ZNF225: variants seen among roughly 807,000 people sequenced by gnomAD.
ZNF225 encodes the protein zinc finger protein 225.
In ZNF225, 6 loss-of-function variants were observed where a neutral mutation model predicts 12.0. The observed-to-expected ratio is 0.50, with a 90% CI of 0.27 to 0.98. The LOEUF (loss-of-function observed/expected upper bound fraction) is 0.98, where lower values mean the gene tolerates loss of function less well. ZNF225 is among the 50% of genes least tolerant of loss of function. ZNF225 has a pLI of 0.11. For missense variants in ZNF225, 763 were observed against 848.2 expected (o/e 0.90, Z 1.25); for synonymous variants, 271 against 283.2 (o/e 0.96, Z 0.43).
At position 44,131,124 on chromosome 19, in the gene ZNF225, G is replaced by C. The variant is rs1968246018; in HGVS notation, c.510G>C (p.Gln170His). ...VSVLDLHQQLQSREKSHTCDE... is the reference protein window; with the variant it reads ...VSVLDLHQQLHSREKSHTCDE... The stretch of plus-strand genomic sequence containing the variant: ...TCCTTGATCTTCATCAACAACTACA[G>C]TCAAGAGAGAAGTCTCATACATGTG... Residue 170 changes from glutamine (Q) to histidine (H), a missense_variant, in exon 5 of 5, where the codon CAG (glutamine) becomes CAC (histidine). Transcript: ENST00000262894. 1 of 1,614,060 alleles carries C rather than the reference G, an allele frequency of 6.2e-7. No homozygotes were observed. Among genetic ancestry groups the C allele is most frequent in the African/African-American group, 1.3e-5 (1 of 74,928 alleles).
At position 44,121,653 on chromosome 19, in the gene ZNF225, A is replaced by G. The variant is rs116372444; in HGVS notation, c.235+3079A>G. ...CCCTGAACAACACATCCATGCCAAC[A>G]TCTACTGTTTTTTTGATTTTTGATT... On this transcript the variant is annotated intron_variant, in intron 4 of 4. Coordinates refer to ENST00000262894, the MANE Select transcript of ZNF225 (RefSeq NM_013362.4). 8.7e-3 allele frequency among the ~76,000 whole-genome samples: 1,321 copies of G among 152,282 alleles called. 11 individuals carry two copies. Among genetic ancestry groups the G allele is most frequent in the African/African-American group, 0.03 (1,239 of 41,544 alleles).
rs181738436 is a variant in ZNF225 at position 44,131,729 on chromosome 19, A to G, written c.1115A>G (p.Tyr372Cys). Residue 372 changes from tyrosine (Y) to cysteine (C), a missense_variant, in exon 5 of 5, where the codon TAT becomes TGT. Tyr to Cys is a radical substitution (Grantham distance 194). Coordinates refer to ENST00000262894, the MANE Select transcript of ZNF225 (RefSeq NM_013362.4). Reference sequence around the variant, plus strand: ...ATAGACCACACAGGGGAGAAGCCATATAATTGTAAAGAATGTGGAAAGAGC... The same window carrying G: ...ATAGACCACACAGGGGAGAAGCCATGTAATTGTAAAGAATGTGGAAAGAGC... ...HQIDHTGEKP[Y>C]NCKECGKSFR... The G allele has an allele frequency of 3.0e-4, 486 of 1,614,268 alleles. 3 individuals carry two copies. The highest frequency in any genetic ancestry group is 2.1e-5 in the Non-Finnish European group (25 of 1,180,044).
At chr19:44,127,407 G>T (rs931039950) in intron 4 of ZNF225, among the ~76,000 whole-genome samples, 1 of 152,158 alleles carries the variant, frequency 6.6e-6, no homozygotes, top group African/African-American at 2.4e-5. Context: ...GGTCCTGCAG[G>T]AGCAGTCCAC....
intron 4 of ZNF225, chr19:44,129,008 A>C: frequency 8.2e-7 from 1 of 1,212,630 alleles, no homozygotes; most frequent in Non-Finnish European, 1.0e-6. Context: ...TCATTGTCTC[A>C]TCAGGATCAT....
At chr19:44,117,893 C>A (rs564792432) in intron 2 of ZNF225, among the ~76,000 whole-genome samples, 3 of 152,114 alleles carry the variant, frequency 2.0e-5, no homozygotes, top group African/African-American at 7.2e-5. Context: ...GTGGCAGGCA[C>A]CTGTAATCCC....
Position 44,131,852 on chromosome 19 carries a change from C to T in ZNF225, c.1238C>T (p.Ser413Leu), listed in dbSNP as rs766475737. Residue 413 changes from serine (S) to leucine (L), a missense_variant, in exon 5 of 5, where the codon TCA becomes TTA. Transcript: ENST00000262894. ...EECGKGFYTN[S>L]QRYSHQRAHS... Reference sequence around the variant, plus strand: ...TGTGGGAAGGGATTTTATACAAATTCACAACGTTATTCTCACCAGAGAGCG... The same window carrying T: ...TGTGGGAAGGGATTTTATACAAATTTACAACGTTATTCTCACCAGAGAGCG... 1.2e-6 allele frequency: 2 copies of T among 1,614,066 alleles called. No individual in the cohort carries two copies. Among genetic ancestry groups the T allele is most frequent in the South Asian group, 2.2e-5 (2 of 91,078 alleles).
In ZNF225 at chr19:44,131,782, C is replaced by T; in HGVS notation, c.1168C>T (p.His390Tyr). 6.2e-7 allele frequency: 1 copy of T among 1,614,190 alleles called. No individual in the cohort carries two copies. Among genetic ancestry groups the T allele is most frequent in the Admixed American group, 1.7e-5 (1 of 60,028 alleles). Residue 390 changes from histidine to tyrosine, a missense_variant, in exon 5 of 5, where the codon CAT becomes TAT. Physicochemically the swap from His to Tyr is moderately conservative, Grantham distance 83. Transcript: ENST00000262894. ...SFRWASGLSR[H>Y]VRVHSGETTF... is the part of the protein sequence containing the mutation. ...CAGATGGGCCTCAGGTCTTTCAAGA[C>T]ATGTGCGAGTCCACAGTGGAGAGAC...
At position 44,131,324 on chromosome 19, in the gene ZNF225, G is replaced by A. The variant is rs1391354408; in HGVS notation, c.710G>A (p.Cys237Tyr). 2.5e-6 allele frequency: 4 copies of A among 1,614,206 alleles called. No homozygotes were observed. The highest frequency in any genetic ancestry group is 3.3e-5 in the Admixed American group (2 of 60,030). The change falls in exon 5 of 5, where the codon TGT becomes TAT. Residue 237 changes from cysteine (C) to tyrosine (Y), a missense_variant. Physicochemically the swap from Cys to Tyr is radical, Grantham distance 194. Transcript: ENST00000262894. ...TGEKPFKCEQCGKGFSRRSGL... is the reference protein window; with the variant it reads ...TGEKPFKCEQYGKGFSRRSGL... ...GAGAAACCATTCAAATGTGAGCAGT[G>A]TGGGAAAGGCTTTAGTCGTAGATCA...
intron 4 of ZNF225, among the ~76,000 whole-genome samples, chr19:44,126,694 C>G (rs1030786386): frequency 2.6e-5 from 4 of 152,034 alleles, no homozygotes; most frequent in Non-Finnish European, 4.4e-5. Context: ...AGCTCAGACT[C>G]TCCTTGGGTG....
At chr19:44,125,859 A>G (rs201482077) in intron 4 of ZNF225, among the ~76,000 whole-genome samples, 2 of 152,070 alleles carry the variant, frequency 1.3e-5, no homozygotes, top group African/African-American at 4.8e-5. Context: ...TTGCATTTCT[A>G]TAAGTGTGTC....
intron 4 of ZNF225, among the ~76,000 whole-genome samples, chr19:44,126,575 C>A (rs1196316264): frequency 6.6e-6 from 1 of 152,010 alleles, no homozygotes; most frequent in Non-Finnish European, 1.5e-5. Flanking sequence ...TGGAGAGGAG[C>A]CAGAGGTGGA....
chr19:44,132,363 T>C lies in ZNF225; in HGVS notation c.1749T>C (p.Ile583=), dbSNP rs1349325288. 1 of 1,614,156 alleles carries C rather than the reference T, an allele frequency of 6.2e-7. No homozygotes were observed. The highest frequency in any genetic ancestry group is 1.1e-5 in the South Asian group (1 of 91,086). Residue 583 remains isoleucine (I), a synonymous_variant, in exon 5 of 5, where the codon ATT becomes ATC. Coordinates refer to ENST00000262894, the MANE Select transcript of ZNF225 (RefSeq NM_013362.4). ...CGKSFSRASS[I]LNHKRLHGDE... Reference sequence around the variant, plus strand: ...AGAGCTTTAGCCGGGCCTCAAGTATTTTGAATCATAAGAGACTCCATGGTG... The same window carrying C: ...AGAGCTTTAGCCGGGCCTCAAGTATCTTGAATCATAAGAGACTCCATGGTG...
Position 44,132,090 on chromosome 19 carries a change from A to G in ZNF225, c.1476A>G (p.Arg492=). 1 of 1,613,736 alleles carries G rather than the reference A, an allele frequency of 6.2e-7. No individual in the cohort carries two copies. The highest frequency in any genetic ancestry group is 1.7e-4 in the Middle Eastern group (1 of 6,060). The part of the protein sequence containing the change: ...KPFKCEECGK[R]FTQNSQLYTH... ...TTAAATGTGAAGAATGTGGGAAAAG[A>G]TTTACTCAGAATTCACAACTTTATA... Residue 492 remains arginine, a synonymous_variant, in exon 5 of 5, where the codon AGA becomes AGG. Transcript: ENST00000262894.
chr19:44,118,820 C>CTT lies in ZNF225; in HGVS notation c.235+259_235+260dup, dbSNP rs111822475. On this transcript the variant is annotated intron_variant, in intron 4 of 4. Transcript: ENST00000262894. ...CTCGGCTCAAAAGCCTTTCTGGCTT[C>CTT]TTTTTTTTTTTTTTGAGATGGAGTC... Among the ~76,000 whole-genome samples, 1,258 of 143,450 alleles carry CTT rather than the reference C, an allele frequency of 8.8e-3. 18 individuals carry two copies. The highest frequency in any genetic ancestry group is 0.027 in the African/African-American group (1,033 of 38,912). 94.1% of individuals were successfully genotyped at this position (143,450 alleles called of 152,430 possible). A position where few individuals can be genotyped will look rare whatever the true frequency, so the allele number is the denominator to read the frequency against.
At chr19:44,116,563 T>G (rs1049842161) in intron 2 of ZNF225, among the ~76,000 whole-genome samples, 2 of 152,210 alleles carry the variant, frequency 1.3e-5, no homozygotes, top group Non-Finnish European at 2.9e-5. Flanking sequence ...AAATATTCAC[T>G]ACTTGTATAT....
At chr19:44,126,439 G>T in intron 4 of ZNF225, among the ~76,000 whole-genome samples, 1 of 152,188 alleles carries the variant, frequency 6.6e-6, no homozygotes, top group East Asian at 1.9e-4. Context: ...TTCCAGTGGA[G>T]GTGGTGGGGG....
intron 1 of ZNF225, chr19:44,115,543 T>G: frequency 3.0e-6 from 1 of 329,138 alleles, no homozygotes; most frequent in Non-Finnish European, 5.6e-6. Flanking sequence ...CTTCATTCCT[T>G]TTAATTTCCA....
intron 2 of ZNF225, 35 bp from the exon 3 acceptor site, chr19:44,118,152 TC>T: frequency 6.3e-7 from 1 of 1,593,442 alleles, no homozygotes; most frequent in Non-Finnish European, 8.5e-7. Context: ...TAGTCATTGG[TC>T]ATGAGACTGA....
Position 44,115,785 on chromosome 19 carries a change from G to GT in ZNF225, c.-42dup. 2 of 1,607,336 alleles carry GT rather than the reference G, an allele frequency of 1.2e-6. No homozygotes were observed. Among genetic ancestry groups the GT allele is most frequent in the Non-Finnish European group, 1.7e-6 (2 of 1,175,930 alleles). On this transcript the variant is annotated 5_prime_UTR_variant, in exon 2 of 5. Coordinates refer to ENST00000262894, the MANE Select transcript of ZNF225 (RefSeq NM_013362.4). Reference sequence around the variant, plus strand: ...GCAGGATTCTGCTTTCCCTTGGACTGTATCACTCAGGACTCTGAATATTCC... The same window carrying GT: ...GCAGGATTCTGCTTTCCCTTGGACTGTTATCACTCAGGACTCTGAATATTCC...
Sources: gnomAD v4.1 joint callset for allele counts (sites outside exome capture counted in the v4.1 genomes callset) on GRCh38, gnomAD v4.1.1 for gene constraint, MANE v1.5 for transcripts, NCBI Gene and HGNC (gene_info 2026-07-23, HGNC 2026-07-21) for gene names.